Variants in CPNE4 observed in about 807,000 individuals in gnomAD.
CPNE4 encodes copine-4.
A neutral mutation model predicts 67.9 loss-of-function variants in CPNE4; 25 were observed. That is an observed-to-expected ratio of 0.37 (90% CI 0.27 to 0.51). The LOEUF is 0.51. Among genes scored for constraint, CPNE4 ranks in the 20% least tolerant of loss-of-function variants. The pLI is 0.93. For synonymous variants in CPNE4, 242 were observed against 244.9 expected, an observed-to-expected ratio of 0.99 and a Z score of 0.11; for missense variants, 464 against 690.8, an observed-to-expected ratio of 0.67 and a Z score of 3.68.
intron 1 of CPNE4, among the ~76,000 whole-genome samples, chr3:131,987,663 GAATA>G (rs943357111): frequency 6.6e-6 from 1 of 152,088 alleles, no homozygotes; most frequent in South Asian, 2.1e-4. Context: ...GCTGGGATTA[GAATA>G]AATACCAGGC....
chr3:131,686,670 G>A (rs1347147681), intron 5 of CPNE4, among the ~76,000 whole-genome samples: 1 of 152,188 alleles, frequency 6.6e-6, no homozygotes, highest in African/African-American at 2.4e-5. Flanking sequence ...GAGTGTTCAC[G>A]AGGGGTGTTC....
intron 2 of CPNE4, among the ~76,000 whole-genome samples, chr3:131,727,711 T>C (rs1487888946): frequency 2.0e-5 from 3 of 152,238 alleles, no homozygotes; most frequent in East Asian, 1.9e-4. Flanking sequence ...AGCATATCCA[T>C]GCACCCAAAT....
In CPNE4 at chr3:131,938,086, G is replaced by A. The variant is rs529343133; in HGVS notation, c.-1-32642C>T. 9.4e-5 allele frequency among the ~76,000 whole-genome samples: 14 copies of A among 149,414 alleles called. No individual in the cohort carries two copies. In the South Asian group the frequency reaches 1.5e-3, roughly 16 times the overall value. Reference sequence around the variant, plus strand: ...TAGAACTTGATAAAAGGTCAGGTGCGGTGGTTTACAGATATAATCCCAGCA... The same window carrying A: ...TAGAACTTGATAAAAGGTCAGGTGCAGTGGTTTACAGATATAATCCCAGCA... On this transcript the variant is annotated intron_variant, in intron 1 of 15. Transcript: ENST00000429747.
chr3:131,909,558 C>T (rs1560583564), intron 1 of CPNE4, among the ~76,000 whole-genome samples: 1 of 152,004 alleles, frequency 6.6e-6, no homozygotes, highest in Non-Finnish European at 1.5e-5. Flanking sequence ...CCCTACCTCT[C>T]CAATGGATTA....
chr3:131,696,451 G>T, intron 5 of CPNE4, 91 bp downstream of exon 5: 1 of 1,223,776 alleles, frequency 8.2e-7, no homozygotes, highest in Non-Finnish European at 1.2e-6. Flanking sequence ...AATGTGGGTG[G>T]AAAGGGAAAA....
chr3:131,800,616 T>A (rs2084066215), intron 2 of CPNE4, among the ~76,000 whole-genome samples: 1 of 152,180 alleles, frequency 6.6e-6, no homozygotes, highest in South Asian at 2.1e-4. Flanking sequence ...CTACTGCTCC[T>A]GATGTTGTCC....
At chr3:131,677,267 C>T (rs1405158156) in intron 6 of CPNE4, among the ~76,000 whole-genome samples, 2 of 151,238 alleles carry the variant, frequency 1.3e-5, no homozygotes, top group African/African-American at 4.9e-5. Context: ...GGTACCTTTG[C>T]CCACTTTTTA....
At chr3:131,774,404 G>A (rs985631663) in intron 2 of CPNE4, among the ~76,000 whole-genome samples, 2 of 151,896 alleles carry the variant, frequency 1.3e-5, no homozygotes, top group African/African-American at 4.8e-5. Context: ...CTTGTGCAGT[G>A]GCCACCATCT....
intron 6 of CPNE4, among the ~76,000 whole-genome samples, chr3:131,672,047 C>T (rs2080431704): frequency 6.6e-6 from 1 of 152,098 alleles, no homozygotes; most frequent in African/African-American, 2.4e-5. Flanking sequence ...TAATATTTAG[C>T]TCCCACAAAT....
intron 1 of CPNE4, among the ~76,000 whole-genome samples, chr3:131,948,154 TG>T (rs1241530407): frequency 6.6e-6 from 1 of 152,214 alleles, no homozygotes; most frequent in African/African-American, 2.4e-5. Context: ...TTATATGATT[TG>T]GCTCTGTGTC....
rs1583202391 is a variant in CPNE4, at chr3:131,790,463, G to T, written c.181-66838C>A. Among the ~76,000 whole-genome samples the T allele has an allele frequency of 3.3e-5, 5 of 152,066 alleles. No individual in the cohort carries two copies. In the South Asian group the frequency reaches 1.0e-3, roughly 32 times the overall value. On this transcript the variant is annotated intron_variant, in intron 2 of 15. Coordinates refer to ENST00000429747, the MANE Select transcript of CPNE4 (RefSeq NM_130808.3). Reference sequence around the variant, plus strand: ...TTGTTTGCCAGTCACTCCTTGCCTGGCTCTAACAGGCACCTTTCTTAGGAG... The same window carrying T: ...TTGTTTGCCAGTCACTCCTTGCCTGTCTCTAACAGGCACCTTTCTTAGGAG...
intron 3 of CPNE4, among the ~76,000 whole-genome samples, chr3:131,722,625 G>C (rs2081917137): frequency 6.6e-6 from 1 of 152,144 alleles, no homozygotes; most frequent in Non-Finnish European, 1.5e-5. Context: ...CTACGACCTT[G>C]TATAGAGAGC....
At chr3:131,977,013 G>T (rs1296674063) in intron 1 of CPNE4, among the ~76,000 whole-genome samples, 1 of 151,884 alleles carries the variant, frequency 6.6e-6, no homozygotes, top group Non-Finnish European at 1.5e-5. Flanking sequence ...TGTTGGTCAG[G>T]CTGGTCTCGA....
chr3:131,941,603 AATTT>A (rs796375401), intron 1 of CPNE4, among the ~76,000 whole-genome samples: 18 of 152,228 alleles, frequency 1.2e-4, no homozygotes, highest in African/African-American at 4.3e-4. Context: ...CATCTGTTGT[AATTT>A]ATTGTTACTT....
chr3:131,628,343 C>T (rs2079130133), intron 7 of CPNE4, among the ~76,000 whole-genome samples: 2 of 152,146 alleles, frequency 1.3e-5, no homozygotes, highest in African/African-American at 2.4e-5. Context: ...AGGTGAAAGG[C>T]ACTTCTTACA....
intron 3 of CPNE4, among the ~76,000 whole-genome samples, chr3:131,717,878 CTTTCTT>C (rs1296226699): frequency 1.5e-4 from 4 of 26,140 alleles, no homozygotes; most frequent in African/African-American, 5.2e-4. Flanking sequence ...TCTTTCTTTT[CTTTCTT>C]TCTTTCTTTC....
At chr3:131,820,838 T>C (rs373716766) in intron 2 of CPNE4, among the ~76,000 whole-genome samples, 27 of 152,320 alleles carry the variant, frequency 1.8e-4, no homozygotes, top group Non-Finnish European at 3.1e-4. Flanking sequence ...AAATAACCAG[T>C]TCTGGTGAGC....
rs533238125 is a variant in CPNE4, at chr3:131,556,415, C to T, written c.1062-864G>A. 2.0e-5 allele frequency among the ~76,000 whole-genome samples: 3 copies of T among 152,108 alleles called. No individual in the cohort carries two copies. In the South Asian group the frequency reaches 6.2e-4, roughly 32 times the overall value. The stretch of plus-strand genomic sequence containing the variant: ...AGCAGTGGAAAGCTTGTAAGTTTGG[C>T]TAATTTGACAGAGCTTGGTTCCCTC... On this transcript the variant is annotated intron_variant, in intron 11 of 15. Transcript: ENST00000429747.
At chr3:131,767,051 T>C (rs549297341) in intron 2 of CPNE4, among the ~76,000 whole-genome samples, 18 of 152,316 alleles carry the variant, frequency 1.2e-4, no homozygotes, top group African/African-American at 4.1e-4. Flanking sequence ...TTTTTCTCCT[T>C]ATGTGGATGC....
Sources: gnomAD v4.1 joint callset for allele counts (sites outside exome capture counted in the v4.1 genomes callset) on GRCh38, gnomAD v4.1.1 for gene constraint, MANE v1.5 for transcripts, NCBI Gene and HGNC (gene_info 2026-07-23, HGNC 2026-07-21) for gene names.